Variants in ECT2L observed in about 807,000 individuals in gnomAD.
ECT2L encodes epithelial cell transforming 2 like.
In ECT2L, 126 loss-of-function variants were observed where a neutral mutation model predicts 122.8. The ratio of observed to expected loss-of-function variants is 1.03; its 90% CI spans 0.89 to 1.19. The LOEUF (loss-of-function observed/expected upper bound fraction) is 1.19, where lower values mean the gene tolerates loss of function less well. ECT2L is among the 50% of genes most tolerant of loss of function. The probability of loss-of-function intolerance (pLI) is 0.00; values close to 1 mark genes in which losing one functional copy is unlikely to be tolerated. For synonymous variants in ECT2L, 385 were observed against 381.8 expected, an observed-to-expected ratio of 1.01 and a Z score of -0.10; for missense variants, 1,012 against 1,064.1, an observed-to-expected ratio of 0.95 and a Z score of 0.68.
Position 138,868,214 on chromosome 6 carries a change from T to A in ECT2L, c.1578+8T>A. On this transcript the variant is annotated splice_region_variant and intron_variant, in intron 13 of 21. Coordinates refer to ENST00000541398, the MANE Select transcript of ECT2L (RefSeq NM_001077706.3). Reference sequence around the variant, plus strand: ...TTGTCAAAAGAAGATTCTGTAAGTGTTTCTTTGAAGAAAGTAAACTATGAA... The same window carrying A: ...TTGTCAAAAGAAGATTCTGTAAGTGATTCTTTGAAGAAAGTAAACTATGAA... The A allele has an allele frequency of 6.2e-7, 1 of 1,602,022 alleles. No individual in the cohort carries two copies. Among genetic ancestry groups the A allele is most frequent in the Non-Finnish European group, 8.5e-7 (1 of 1,174,714 alleles).
chr6:138,879,740 G>A (rs558318345), intron 14 of ECT2L, among the ~76,000 whole-genome samples: 6 of 152,160 alleles, frequency 3.9e-5, no homozygotes, highest in South Asian at 2.1e-4. Context: ...GGATCACAAG[G>A]TCAAGAGATC....
intron 12 of ECT2L, among the ~76,000 whole-genome samples, chr6:138,866,768 C>A (rs895167588): frequency 6.6e-6 from 1 of 152,106 alleles, no homozygotes; most frequent in Admixed American, 6.5e-5. Context: ...TTACTTTGGA[C>A]TTTAAAATAT....
intron 20 of ECT2L, among the ~76,000 whole-genome samples, chr6:138,896,620 C>A (rs753067877): frequency 2.6e-5 from 4 of 152,146 alleles, no homozygotes; most frequent in Non-Finnish European, 5.9e-5. Context: ...TGATGACCTG[C>A]TGTTGTCCAT....
intron 14 of ECT2L, among the ~76,000 whole-genome samples, chr6:138,878,306 TACACAC>T (rs34393243): frequency 3.2e-4 from 48 of 150,332 alleles, no homozygotes; most frequent in African/African-American, 7.1e-4. Context: ...CATATATATA[TACACAC>T]ACACACACAC....
intron 1 of ECT2L, among the ~76,000 whole-genome samples, chr6:138,811,933 C>T (rs1775916569): frequency 2.0e-5 from 3 of 152,116 alleles, no homozygotes; most frequent in South Asian, 2.1e-4. Flanking sequence ...AAGTGATCCA[C>T]CCACCTCAGC....
intron 1 of ECT2L, among the ~76,000 whole-genome samples, chr6:138,801,757 A>C (rs1265745894): frequency 2.6e-5 from 4 of 152,202 alleles, no homozygotes; most frequent in Non-Finnish European, 5.9e-5. Flanking sequence ...TCTGTCTCAA[A>C]AAAGAAAAAA....
chr6:138,832,815 T>C (rs547910145), intron 4 of ECT2L, among the ~76,000 whole-genome samples: 35 of 152,322 alleles, frequency 2.3e-4, no homozygotes, highest in Middle Eastern at 6.8e-3. Context: ...GAAGAGATTA[T>C]GCTTCATAAT....
In ECT2L at chr6:138,842,967, T is replaced by C. The variant is rs544778596; in HGVS notation, c.343-12T>C. 6.1e-6 allele frequency: 9 copies of C among 1,472,214 alleles called. No individual in the cohort carries two copies. The South Asian group carries it at 1.2e-4, about 20-fold the overall frequency. The allele number at this position is 1,472,214 out of a possible 1,614,324, so 91.2% of individuals were successfully genotyped here. The stretch of plus-strand genomic sequence containing the variant: ...AAACAATTTGTGACTCATCTTCCTC[T>C]TGTTTCTGAAGGATTGCTTATGGAT... On this transcript the variant is annotated splice_polypyrimidine_tract_variant and intron_variant, in intron 5 of 21. Coordinates refer to ENST00000541398, the MANE Select transcript of ECT2L (RefSeq NM_001077706.3).
chr6:138,804,646 A>C (rs1413898531), intron 1 of ECT2L, among the ~76,000 whole-genome samples: 1 of 152,072 alleles, frequency 6.6e-6, no homozygotes, highest in Non-Finnish European at 1.5e-5. Context: ...GATTGCATTG[A>C]ATCTGTAGAT....
chr6:138,898,278 T>C (rs1779281710), intron 20 of ECT2L, among the ~76,000 whole-genome samples: 1 of 152,146 alleles, frequency 6.6e-6, no homozygotes, highest in Non-Finnish European at 1.5e-5. Flanking sequence ...TTTTGCAAGG[T>C]ATCAGTAAAT....
intron 20 of ECT2L, among the ~76,000 whole-genome samples, chr6:138,897,381 CAT>C (rs781301237): frequency 7.2e-5 from 11 of 152,064 alleles, no homozygotes; most frequent in Non-Finnish European, 7.4e-5. Context: ...TAAGTATTCA[CAT>C]AGTGTTTACA....
At chr6:138,885,231 T>C (rs1394925474) in intron 16 of ECT2L, among the ~76,000 whole-genome samples, 1 of 152,036 alleles carries the variant, frequency 6.6e-6, no homozygotes, top group Non-Finnish European at 1.5e-5. Flanking sequence ...GGTTTCACCA[T>C]GTTAGCCAGG....
At chr6:138,798,160 C>A (rs1019282577) in intron 1 of ECT2L, among the ~76,000 whole-genome samples, 2 of 152,154 alleles carry the variant, frequency 1.3e-5, no homozygotes, top group Non-Finnish European at 2.9e-5. Flanking sequence ...CCCAAAGATC[C>A]CTGAATCTTG....
intron 14 of ECT2L, among the ~76,000 whole-genome samples, chr6:138,880,069 C>T (rs1778592033): frequency 6.6e-6 from 1 of 152,210 alleles, no homozygotes; most frequent in Non-Finnish European, 1.5e-5. Context: ...CCAAGTCTAT[C>T]CTTCATACTG....
At chr6:138,846,303 A>G (rs1777217074) in intron 7 of ECT2L, among the ~76,000 whole-genome samples, 1 of 152,200 alleles carries the variant, frequency 6.6e-6, no homozygotes, top group Non-Finnish European at 1.5e-5. Context: ...GTAAGTTCCA[A>G]GAGACTGCTC....
At chr6:138,881,387 G>T (rs1389753604) in intron 15 of ECT2L, among the ~76,000 whole-genome samples, 1 of 151,984 alleles carries the variant, frequency 6.6e-6, no homozygotes, top group Non-Finnish European at 1.5e-5. Flanking sequence ...ATGGTGCAAG[G>T]AGTGGTGTTC....
At chr6:138,887,134 C>G (rs1778852511) in intron 19 of ECT2L, among the ~76,000 whole-genome samples, 1 of 152,302 alleles carries the variant, frequency 6.6e-6, no homozygotes, top group East Asian at 1.9e-4. Context: ...TATCCCATAA[C>G]TTTTTGGCAG....
chr6:138,842,272 A>G (rs903912814), intron 5 of ECT2L, among the ~76,000 whole-genome samples: 4 of 149,496 alleles, frequency 2.7e-5, no homozygotes, highest in Admixed American at 6.7e-5. Context: ...CGGCCTGGCC[A>G]ACAGGGCAAA....
At chr6:138,888,556 C>T (rs1343145601) in intron 19 of ECT2L, among the ~76,000 whole-genome samples, 1 of 152,022 alleles carries the variant, frequency 6.6e-6, no homozygotes, top group Non-Finnish European at 1.5e-5. Context: ...TCAGGTGATC[C>T]ACCCACCTCG....
Sources: gnomAD v4.1 joint callset for allele counts (sites outside exome capture counted in the v4.1 genomes callset) on GRCh38, gnomAD v4.1.1 for gene constraint, MANE v1.5 for transcripts, NCBI Gene and HGNC (gene_info 2026-07-23, HGNC 2026-07-21) for gene names.